The following PUM2 variants were observed in gnomAD, a reference collection of about 807,000 sequenced individuals.
PUM2 encodes pumilio RNA binding family member 2.
Under a neutral mutation model 124.5 loss-of-function variants are expected in PUM2, and 57 were observed. That is an observed-to-expected ratio of 0.46 (90% CI 0.37 to 0.57). PUM2 has a LOEUF of 0.57. PUM2 is among the 20% of genes least tolerant of loss of function. The pLI, the probability that PUM2 is intolerant of heterozygous loss-of-function variation, is 0.00. For synonymous variants in PUM2, 460 were observed against 446.1 expected (o/e 1.03, Z -0.39); for missense variants, 1,065 against 1,290.6 (o/e 0.83, Z 2.68).
intron 15 of PUM2, among the ~76,000 whole-genome samples, chr2:20,259,077 TAA>T (rs141275923): frequency 2.6e-5 from 4 of 152,188 alleles, no homozygotes; most frequent in African/African-American, 9.7e-5. Context: ...AAAAAACTGT[TAA>T]AGTCATTAAG....
chr2:20,260,113 T>C (rs1665813884), intron 15 of PUM2, among the ~76,000 whole-genome samples: 1 of 152,240 alleles, frequency 6.6e-6, no homozygotes, highest in Admixed American at 6.5e-5. Flanking sequence ...AAGTCCTTTG[T>C]CCATTTGTCA....
intron 7 of PUM2, among the ~76,000 whole-genome samples, chr2:20,300,000 G>T (rs11096656): frequency 6.6e-6 from 1 of 152,056 alleles, no homozygotes; most frequent in East Asian, 1.9e-4. Flanking sequence ...TTTTATCATA[G>T]AGATGAATCC....
intron 1 of PUM2, among the ~76,000 whole-genome samples, chr2:20,348,125 C>A (rs1688595983): frequency 6.6e-6 from 1 of 151,672 alleles, no homozygotes. Context: ...GAGTTTGAGA[C>A]CAGCCTGGGC....
intron 13 of PUM2, among the ~76,000 whole-genome samples, chr2:20,276,739 T>C (rs1461848910): frequency 6.6e-6 from 1 of 152,102 alleles, no homozygotes; most frequent in Non-Finnish European, 1.5e-5. Context: ...CATGGGTCTA[T>C]TTGTTGTTAA....
At chr2:20,309,110 T>C (rs1321958071) in intron 5 of PUM2, among the ~76,000 whole-genome samples, 1 of 152,118 alleles carries the variant, frequency 6.6e-6, no homozygotes, top group Non-Finnish European at 1.5e-5. Context: ...GGGGCCAAAA[T>C]GTGGGATGCA....
At chr2:20,326,894 T>A (rs1029018548) in intron 2 of PUM2, among the ~76,000 whole-genome samples, 2 of 152,052 alleles carry the variant, frequency 1.3e-5, no homozygotes, top group African/African-American at 4.8e-5. Flanking sequence ...TGTAGAAGAT[T>A]AGAAGTTTGT....
intron 2 of PUM2, among the ~76,000 whole-genome samples, chr2:20,321,788 C>T (rs550604562): frequency 4.6e-5 from 7 of 152,082 alleles, no homozygotes; most frequent in African/African-American, 1.7e-4. Context: ...AATATGTTAT[C>T]CAATACCACT....
chr2:20,256,144 A>C lies in PUM2; in HGVS notation c.2511T>G (p.Gly837=). 2 of 1,597,988 alleles carry C rather than the reference A, an allele frequency of 1.3e-6. No homozygotes were observed. The highest frequency in any genetic ancestry group is 8.5e-7 in the Non-Finnish European group (1 of 1,174,786). ...QQSEMVKELD[G]HVLKCVKDQN... ...GATCTTTCACACATTTGAGCACATG[A>C]CCATCCAGCTCCTTTACCATTTCAC... Residue 837 remains glycine, a synonymous_variant, in exon 17 of 21, where the codon GGT becomes GGG. Coordinates refer to ENST00000361078, the MANE Select transcript of PUM2 (RefSeq NM_015317.5).
rs77645721 is a variant in PUM2, at chr2:20,311,603, G to A, written c.409C>T (p.Pro137Ser). ...TCTCTGTTTTGGTCCTCCTCAAATG[G>A]AGAAGCCTTGCCTTTTTGATCTCCT... ...EKGDQKGKAS[P>S]FEEDQNRDLK... The change falls in exon 5 of 21, where the codon CCA becomes TCA. Residue 137 changes from proline (P) to serine (S), a missense_variant. Coordinates refer to ENST00000361078, the MANE Select transcript of PUM2 (RefSeq NM_015317.5). 2 of 1,613,382 alleles carry A rather than the reference G, an allele frequency of 1.2e-6. No homozygotes were observed. Among genetic ancestry groups the A allele is most frequent in the Non-Finnish European group, 1.7e-6 (2 of 1,179,624 alleles).
At chr2:20,275,015 TGTAG>T (rs1043983923) in intron 13 of PUM2, among the ~76,000 whole-genome samples, 1 of 127,908 alleles carries the variant, frequency 7.8e-6, no homozygotes, top group African/African-American at 3.0e-5. Context: ...ATAAAACAAC[TGTAG>T]GTAGATTGCC....
intron 9 of PUM2, among the ~76,000 whole-genome samples, chr2:20,293,682 T>C (rs1182615235): frequency 1.3e-5 from 2 of 152,072 alleles, no homozygotes; most frequent in Non-Finnish European, 2.9e-5. Flanking sequence ...CACTCCAGCC[T>C]AGGTGACAGA....
intron 1 of PUM2, among the ~76,000 whole-genome samples, chr2:20,344,194 G>A (rs1226991336): frequency 6.6e-6 from 1 of 152,056 alleles, no homozygotes; most frequent in Non-Finnish European, 1.5e-5. Flanking sequence ...CAGCCTCCCA[G>A]GTAGCTGGGA....
At chr2:20,292,931 AAAAAC>A (rs545072826) in intron 9 of PUM2, among the ~76,000 whole-genome samples, 64 of 152,236 alleles carry the variant, frequency 4.2e-4, no homozygotes, top group East Asian at 2.3e-3. Context: ...CCATCTCAAA[AAAAAC>A]AAAACAAAAC....
intron 4 of PUM2, 56 bp downstream of exon 4, chr2:20,312,180 C>T (rs1052639431): frequency 7.3e-5 from 105 of 1,435,182 alleles, no homozygotes; most frequent in Non-Finnish European, 8.9e-5. Flanking sequence ...ATAAAAGTAA[C>T]GTAACCAAAT....
chr2:20,321,012 A>G (rs1682204236), intron 2 of PUM2, among the ~76,000 whole-genome samples: 1 of 152,226 alleles, frequency 6.6e-6, no homozygotes, highest in Admixed American at 6.5e-5. Flanking sequence ...CTAATAAAGC[A>G]TTTATCACAG....
Position 20,318,619 on chromosome 2 carries a change from T to G in PUM2, c.78A>C (p.Glu26Asp). ...GTCCATCTTTTGTTGAATCATCAGG[T>G]TCCCAAAACTTTTTGGTAGGCAAAA... ...GELLPTKKFW[E>D]PDDSTKDGQK... Residue 26 changes from glutamate to aspartate, a missense_variant, in exon 3 of 21, where the codon GAA (glutamate) becomes GAC (aspartate). By Grantham distance (45) the Glu-to-Asp change is conservative (BLOSUM62 2). This residue lies in a region of PUM2 where 90 missense variants were observed against 103.6 expected (regional missense o/e 0.87). Transcript: ENST00000361078. 1 of 1,613,334 alleles carries G rather than the reference T, an allele frequency of 6.2e-7. No individual in the cohort carries two copies. Among genetic ancestry groups the G allele is most frequent in the South Asian group, 1.1e-5 (1 of 90,906 alleles).
At chr2:20,293,833 C>A (rs963454465) in intron 9 of PUM2, among the ~76,000 whole-genome samples, 2 of 152,014 alleles carry the variant, frequency 1.3e-5, no homozygotes, top group African/African-American at 4.8e-5. Flanking sequence ...AGTCAGAATT[C>A]TGTTATTTAT....
In PUM2 at chr2:20,253,839, T is replaced by G; in HGVS notation, c.3046A>C (p.Lys1016Gln). The change falls in exon 20 of 21, where the codon AAG becomes CAG. Residue 1016 changes from lysine to glutamine, a missense_variant. Physicochemically the swap from Lys to Gln is moderately conservative, Grantham distance 53 (BLOSUM62 1). Transcript: ENST00000361078. ...TGTATTACCTTGTGCATGATTATCT[T>G]TCTCTGAGCAGGTTCAGCCATATCA... ...MIDMAEPAQR[K>Q]IIMHKIRPHI... The G allele has an allele frequency of 6.2e-7, 1 of 1,612,670 alleles. No homozygotes were observed.
chr2:20,330,298 G>A (rs949430742), intron 1 of PUM2, among the ~76,000 whole-genome samples: 1 of 152,104 alleles, frequency 6.6e-6, no homozygotes, highest in Non-Finnish European at 1.5e-5. Context: ...TCCATGTCCT[G>A]GCAAAAAGCT....
Sources: gnomAD v4.1 joint callset for allele counts (sites outside exome capture counted in the v4.1 genomes callset) on GRCh38, gnomAD v4.1.1 for gene constraint, gnomAD v4.1.1 regional missense constraint, MANE v1.5 for transcripts, NCBI Gene and HGNC (gene_info 2026-07-23, HGNC 2026-07-21) for gene names.